Variants in NRG3 observed in about 807,000 individuals in gnomAD.
NRG3 encodes the protein pro-neuregulin-3, membrane-bound isoform.
Under a neutral mutation model 66.9 loss-of-function variants are expected in NRG3, and 31 were observed. The ratio of observed to expected loss-of-function variants is 0.46; its 90% CI spans 0.35 to 0.63. NRG3 has a LOEUF of 0.63. Ranked by LOEUF, NRG3 falls within the 20% of genes least tolerant of loss-of-function variation. The probability of loss-of-function intolerance (pLI) is 0.00; values close to 1 mark genes in which losing one functional copy is unlikely to be tolerated. For missense variants in NRG3, 910 were observed against 878.9 expected, an observed-to-expected ratio of 1.04 and a Z score of -0.45; for synonymous variants, 393 against 359.4, an observed-to-expected ratio of 1.09 and a Z score of -1.06.
intron 3 of NRG3, among the ~76,000 whole-genome samples, chr10:82,808,548 T>C (rs1287687916): frequency 6.6e-6 from 1 of 152,150 alleles, no homozygotes. Context: ...TGATTATATA[T>C]GTGATTAACT....
intron 1 of NRG3, among the ~76,000 whole-genome samples, chr10:81,995,834 A>T (rs1437036470): frequency 6.6e-6 from 1 of 152,124 alleles, no homozygotes; most frequent in Non-Finnish European, 1.5e-5. Context: ...TTCTAGATAC[A>T]GACCTTGATA....
At chr10:82,328,551 T>C (rs973516851) in intron 1 of NRG3, among the ~76,000 whole-genome samples, 2 of 152,186 alleles carry the variant, frequency 1.3e-5, no homozygotes, top group African/African-American at 4.8e-5. Context: ...ACGTGGTTTA[T>C]GGACCTCTGC....
chr10:82,721,839 C>A (rs368801560), intron 2 of NRG3, among the ~76,000 whole-genome samples: 10 of 151,992 alleles, frequency 6.6e-5, no homozygotes, highest in African/African-American at 2.4e-4. Flanking sequence ...GTAATTTGCC[C>A]AGTTTCCACA....
At chr10:82,406,133 G>T (rs1324409236) in intron 2 of NRG3, among the ~76,000 whole-genome samples, 2 of 152,094 alleles carry the variant, frequency 1.3e-5, no homozygotes, top group Admixed American at 1.3e-4. Context: ...CATTATAAAG[G>T]GGACTGGATG....
intron 1 of NRG3, among the ~76,000 whole-genome samples, chr10:82,337,783 C>T (rs1033873314): frequency 4.0e-5 from 6 of 151,782 alleles, no homozygotes; most frequent in African/African-American, 1.5e-4. Flanking sequence ...AATATCTATT[C>T]AAATAGAAAG....
At chr10:82,815,951 G>A (rs1452722170) in intron 3 of NRG3, among the ~76,000 whole-genome samples, 1 of 152,194 alleles carries the variant, frequency 6.6e-6, no homozygotes. Flanking sequence ...GGCTCTGTGT[G>A]AAGCTGTGGC....
chr10:82,430,880 T>A (rs1481984089), intron 2 of NRG3, among the ~76,000 whole-genome samples: 1 of 152,190 alleles, frequency 6.6e-6, no homozygotes, highest in Non-Finnish European at 1.5e-5. Flanking sequence ...CTTTGGCTGT[T>A]TACAACTCTG....
rs117438000 is a variant in NRG3 at position 82,466,783 on chromosome 10, C to T, written c.953+107915C>T. Among the ~76,000 whole-genome samples the T allele has an allele frequency of 2.0e-5, 3 of 151,884 alleles. No individual in the cohort carries two copies. In the South Asian group the frequency reaches 6.3e-4, roughly 32 times the overall value. ...AGTCTAGATCCTCAGGTTAAATAAACGATGGTCACAGGAGGAACATGGCAT... is the reference window on the plus strand; with the variant it reads ...AGTCTAGATCCTCAGGTTAAATAAATGATGGTCACAGGAGGAACATGGCAT... On this transcript the variant is annotated intron_variant, in intron 2 of 8. Coordinates refer to ENST00000372141, the MANE Select transcript of NRG3 (RefSeq NM_001010848.4).
chr10:82,341,689 T>A (rs1239399166), intron 1 of NRG3, among the ~76,000 whole-genome samples: 1 of 152,108 alleles, frequency 6.6e-6, no homozygotes, highest in Non-Finnish European at 1.5e-5. Flanking sequence ...GCTTTTAGTG[T>A]ACTCATCACC....
At chr10:82,984,637 G>T (rs1004485634) in intron 8 of NRG3, 5 of 671,786 alleles carry the variant, frequency 7.4e-6, no homozygotes, top group Non-Finnish European at 1.3e-5. Flanking sequence ...TTCGACTAGG[G>T]TGGCCACAAC....
intron 1 of NRG3, among the ~76,000 whole-genome samples, chr10:81,983,284 C>T (rs1280217364): frequency 6.6e-6 from 1 of 152,176 alleles, no homozygotes; most frequent in East Asian, 1.9e-4. Flanking sequence ...AAAAATTGTT[C>T]TAGGATACCT....
chr10:81,965,517 A>C (rs950650861), intron 1 of NRG3, among the ~76,000 whole-genome samples: 2 of 152,206 alleles, frequency 1.3e-5, no homozygotes, highest in Non-Finnish European at 2.9e-5. Context: ...TGGGGTGTGT[A>C]ATAATGTATT....
chr10:82,212,474 T>C (rs2075446214), intron 1 of NRG3, among the ~76,000 whole-genome samples: 1 of 152,212 alleles, frequency 6.6e-6, no homozygotes, highest in Non-Finnish European at 1.5e-5. Context: ...TTCGCATAAG[T>C]TAACTGTTTA....
chr10:82,687,736 G>A (rs1198049708), intron 2 of NRG3, among the ~76,000 whole-genome samples: 1 of 151,910 alleles, frequency 6.6e-6, no homozygotes. Flanking sequence ...GGGGAGGGGT[G>A]GAATAATATA....
intron 2 of NRG3, among the ~76,000 whole-genome samples, chr10:82,462,158 T>A (rs191116291): frequency 0.025 from 3,772 of 151,354 alleles, 133 homozygotes; most frequent in African/African-American, 0.08. Context: ...TAAATAAATC[T>A]ATCTATCTAT....
intron 2 of NRG3, among the ~76,000 whole-genome samples, chr10:82,704,841 GAATT>G (rs2056166720): frequency 6.6e-6 from 1 of 152,122 alleles, no homozygotes; most frequent in South Asian, 2.1e-4. Context: ...TCATGTTTGA[GAATT>G]AATTCAACTC....
At chr10:82,368,400 A>G (rs2084677743) in intron 2 of NRG3, among the ~76,000 whole-genome samples, 1 of 139,096 alleles carries the variant, frequency 7.2e-6, no homozygotes, top group Non-Finnish European at 1.5e-5. Context: ...ACAAGAACAC[A>G]TTTTAGAATC....
intron 2 of NRG3, among the ~76,000 whole-genome samples, chr10:82,377,463 A>AC (rs1564854368): frequency 2.5e-3 from 386 of 151,384 alleles, no homozygotes; most frequent in African/African-American, 8.9e-3. Context: ...TGTGTGCGCG[A>AC]GCGCACATGC....
intron 1 of NRG3, among the ~76,000 whole-genome samples, chr10:82,237,486 T>C (rs1354919311): frequency 1.3e-5 from 2 of 152,222 alleles, no homozygotes; most frequent in East Asian, 3.8e-4. Context: ...TTGACATTCC[T>C]ATTACTTTGT....
Sources: allele counts gnomAD v4.1 joint callset (sites outside exome capture counted in the v4.1 genomes callset), GRCh38; gene constraint gnomAD v4.1.1; transcripts MANE v1.5; gene names NCBI Gene and HGNC (gene_info 2026-07-23, HGNC 2026-07-21).